PRH2: variants seen among roughly 807,000 people sequenced by gnomAD.
The protein encoded by PRH2 is salivary acidic proline-rich phosphoprotein 1/2.
PRH2 carries 19 observed loss-of-function variants against 22.6 expected under a neutral mutation model. That is an observed-to-expected ratio of 0.84 (90% CI 0.59 to 1.23). PRH2 has a LOEUF of 1.23. Ranked by LOEUF, PRH2 falls within the 50% of genes most tolerant of loss-of-function variation. The pLI is 0.00. For missense variants in PRH2, 109 were observed against 203.0 expected (o/e 0.54, Z 2.81); for synonymous variants, 45 against 72.0 (o/e 0.63, Z 1.90).
In PRH2 at chr12:10,932,457, A is replaced by G. The variant is rs1373611200; in HGVS notation, c.*250A>G. 1.1e-5 allele frequency: 2 copies of G among 188,588 alleles called. No homozygotes were observed. The highest frequency in any genetic ancestry group is 2.3e-5 in the Non-Finnish European group (2 of 85,590). The allele number at this position is 188,588 out of a possible 1,614,324, so 11.7% of individuals were successfully genotyped here. On this transcript the variant is annotated 3_prime_UTR_variant, in exon 4 of 4. Coordinates refer to ENST00000396400, the MANE Select transcript of PRH2 (RefSeq NM_001110213.1). ...CTTTCCTCCTTATCCTTATTAAGTC[A>G]TCTGCCTGGGGAAGGAGTTCCACTG... is the stretch of plus-strand genomic sequence containing the variant.
intron 3 of PRH2, among the ~76,000 whole-genome samples, chr12:10,931,432 T>C: frequency 6.6e-6 from 1 of 152,200 alleles, no homozygotes; most frequent in East Asian, 1.9e-4. Context: ...CAGGACAGGC[T>C]CAGTCCTGCC....
At chr12:10,931,918 T>C (rs1338690881) in intron 3 of PRH2, among the ~76,000 whole-genome samples, 2 of 152,206 alleles carry the variant, frequency 1.3e-5, no homozygotes. Context: ...TTTCACACTG[T>C]CCCTATTACA....
At position 10,930,230 on chromosome 12, in the gene PRH2, T is replaced by G. The variant is rs200341233; in HGVS notation, c.65-39T>G. 6.2e-5 allele frequency: 100 copies of G among 1,603,302 alleles called. No individual in the cohort carries two copies. The Middle Eastern group carries it at 6.6e-4, about 11-fold the overall frequency. ...AACACTATGAGCTCTGAATGATTCA[T>G]GCAGTAACTTTTCCCATCATCCTGT... On this transcript the variant is annotated intron_variant, in intron 1 of 3. Transcript: ENST00000396400.
In PRH2 at chr12:10,933,318, A is replaced by C. The variant is rs1200090771; in HGVS notation, c.*1111A>C. Among the ~76,000 whole-genome samples, 2 of 152,088 alleles carry C rather than the reference A, an allele frequency of 1.3e-5. No homozygotes were observed. Among genetic ancestry groups the C allele is most frequent in the African/African-American group, 4.8e-5 (2 of 41,460 alleles). On this transcript the variant is annotated 3_prime_UTR_variant, in exon 4 of 4. Transcript: ENST00000396400. ...AGTAAAATATGATGAAATTTAATAG[A>C]GAATTCACTCCTCCCAAAAGCACCT...
At position 10,929,262 on chromosome 12, in the gene PRH2, GC is replaced by G. The variant is rs1950166971; in HGVS notation, c.-10del. 2.5e-6 allele frequency: 4 copies of G among 1,614,174 alleles called. No homozygotes were observed. The East Asian group carries it at 6.7e-5, about 27-fold the overall frequency. ...GCATAAAGTTGGGAGTGACACCAGAGCCTTCTGCAAGATGCTTCTGATTCTG... is the reference window on the plus strand; with the variant it reads ...GCATAAAGTTGGGAGTGACACCAGAGCTTCTGCAAGATGCTTCTGATTCTG... On this transcript the variant is annotated 5_prime_UTR_variant, in exon 1 of 4. Transcript: ENST00000396400.
intron 3 of PRH2, 175 bp downstream of exon 3, chr12:10,931,255 CTCT>C: frequency 7.4e-7 from 1 of 1,355,798 alleles, no homozygotes; most frequent in Non-Finnish European, 9.9e-7. Flanking sequence ...TTTAAACAAT[CTCT>C]TGAAGGCAAT....
At chr12:10,930,230 T>C (rs200341233) in intron 1 of PRH2, 39 bp from the exon 2 acceptor site, 1 of 1,603,308 alleles carries the variant, frequency 6.2e-7, no homozygotes, top group Non-Finnish European at 8.5e-7. Context: ...GAATGATTCA[T>C]GCAGTAACTT....
In PRH2 at chr12:10,930,452, C is replaced by G; in HGVS notation, c.100+148C>G. 4 of 1,456,352 alleles carry G rather than the reference C, an allele frequency of 2.7e-6. No homozygotes were observed. In the South Asian group the frequency reaches 5.0e-5, roughly 18 times the overall value. The allele number at this position is 1,456,352 out of a possible 1,614,324, so 90.2% of individuals were successfully genotyped here. On this transcript the variant is annotated intron_variant, in intron 2 of 3. Coordinates refer to ENST00000396400, the MANE Select transcript of PRH2 (RefSeq NM_001110213.1). ...AAACAGTTTTCTCCCAACCTTGATT[C>G]TGGGGACCATGAGTAAAGAAATTTG...
rs1041485989 is a variant in PRH2, at chr12:10,930,861, T to A, written c.300T>A (p.His100Gln). 2 of 1,612,834 alleles carry A rather than the reference T, an allele frequency of 1.2e-6. No homozygotes were observed. The highest frequency in any genetic ancestry group is 1.7e-5 in the Admixed American group (1 of 59,928). Residue 100 changes from histidine (H) to glutamine (Q), a missense_variant, in exon 3 of 4, where the codon CAT becomes CAA. This residue lies in a region of PRH2 where 41 missense variants were observed against 93.6 expected (regional missense o/e 0.44). Coordinates refer to ENST00000396400, the MANE Select transcript of PRH2 (RefSeq NM_001110213.1). Reference sequence around the variant, plus strand: ...AAGGACCACCCCAACAGGGAGGCCATCCCCCTCCTCCTCAAGGAAGGCCAC... The same window carrying A: ...AAGGACCACCCCAACAGGGAGGCCAACCCCCTCCTCCTCAAGGAAGGCCAC... ...KPQGPPQQGG[H>Q]PPPPQGRPQG... is the part of the protein sequence containing the mutation.
At chr12:10,930,016 A>G (rs1441422073) in intron 1 of PRH2, among the ~76,000 whole-genome samples, 1 of 152,182 alleles carries the variant, frequency 6.6e-6, no homozygotes, top group East Asian at 1.9e-4. Context: ...CTAAATAAGC[A>G]CTAAGGCTTA....
intron 1 of PRH2, 22 bp downstream of exon 1, chr12:10,929,359 T>C (rs1489588739): frequency 6.2e-6 from 10 of 1,613,784 alleles, no homozygotes; most frequent in Non-Finnish European, 8.5e-6. Flanking sequence ...TGGGGGAAGA[T>C]ATTGTGACTC....
At chr12:10,930,603 T>G in intron 2 of PRH2, 59 bp from the exon 3 acceptor site, 2 of 1,604,190 alleles carry the variant, frequency 1.2e-6, no homozygotes, top group African/African-American at 1.3e-5. Context: ...GACAGAGAGA[T>G]ATGAAGACAG....
rs772407144 is a variant in PRH2, at chr12:10,932,903, T to C, written c.*696T>C. Among the ~76,000 whole-genome samples the C allele has an allele frequency of 8.0e-4, 121 of 151,834 alleles. No homozygotes were observed. Among genetic ancestry groups the C allele is most frequent in the Non-Finnish European group, 1.4e-3 (95 of 67,938 alleles). On this transcript the variant is annotated 3_prime_UTR_variant, in exon 4 of 4. Coordinates refer to ENST00000396400, the MANE Select transcript of PRH2 (RefSeq NM_001110213.1). The stretch of plus-strand genomic sequence containing the variant: ...TGACTTTATAATGCAACCAGGAGTA[T>C]TGAAAAAAAAGTAAGCAATGAGCTC...
chr12:10,930,176 G>C (rs1377573320), intron 1 of PRH2, 93 bp from the exon 2 acceptor site: 26 of 1,404,984 alleles, frequency 1.9e-5, no homozygotes, highest in Non-Finnish European at 2.4e-5. Context: ...GATGCACAGG[G>C]TGTGATCAGA....
In PRH2 at chr12:10,930,882, GCCA is replaced by G. The variant is rs1268989895; in HGVS notation, c.323_325del (p.Pro108del). On this transcript the variant is annotated inframe_deletion, in exon 3 of 4. Transcript: ENST00000396400. ...GCCATCCCCCTCCTCCTCAAGGAAG[GCCA>G]CAAGGACCACCCCAACAGGGAGGCC... 1 of 1,611,636 alleles carries G rather than the reference GCCA, an allele frequency of 6.2e-7. No individual in the cohort carries two copies. Among genetic ancestry groups the G allele is most frequent in the African/African-American group, 1.3e-5 (1 of 74,688 alleles).
At position 10,930,601 on chromosome 12, in the gene PRH2, G is replaced by T. The variant is rs1034601377; in HGVS notation, c.101-61G>T. 9 of 1,603,452 alleles carry T rather than the reference G, an allele frequency of 5.6e-6. No individual in the cohort carries two copies. The Admixed American group carries it at 1.3e-4, about 24-fold the overall frequency. On this transcript the variant is annotated intron_variant, in intron 2 of 3. Coordinates refer to ENST00000396400, the MANE Select transcript of PRH2 (RefSeq NM_001110213.1). ...GCCGGCCGTGTGGTGAAGACAGAGA[G>T]ATATGAAGACAGGAGGGTTTTCCAG...
chr12:10,931,044 G>A lies in PRH2; in HGVS notation c.483G>A (p.Gln161=), dbSNP rs747330207. The A allele has an allele frequency of 5.0e-6, 8 of 1,587,062 alleles. No homozygotes were observed. Among genetic ancestry groups the A allele is most frequent in the Non-Finnish European group, 6.8e-6 (8 of 1,170,072 alleles). Reference sequence around the variant, plus strand: ...GGGGCCGCCCACAAGGACCTCCACAGGGGCAGTCTCCTCAGTAATCTAGGA... The same window carrying A: ...GGGGCCGCCCACAAGGACCTCCACAAGGGCAGTCTCCTCAGTAATCTAGGA... The part of the protein sequence containing the change: ...PQGGRPQGPP[Q]GQSPQ The change falls in exon 3 of 4, where the codon CAG becomes CAA. Residue 161 remains glutamine, a synonymous_variant. Transcript: ENST00000396400.
chr12:10,932,261 T>G lies in PRH2; in HGVS notation c.*54T>G. 1 of 430,926 alleles carries G rather than the reference T, an allele frequency of 2.3e-6. No homozygotes were observed. Among genetic ancestry groups the G allele is most frequent in the African/African-American group, 2.0e-5 (1 of 49,908 alleles). The allele number at this position is 430,926 out of a possible 1,614,324, so 26.7% of individuals were successfully genotyped here. On this transcript the variant is annotated 3_prime_UTR_variant, in exon 4 of 4. Coordinates refer to ENST00000396400, the MANE Select transcript of PRH2 (RefSeq NM_001110213.1). Reference sequence around the variant, plus strand: ...AGAAGATGACAGTGTTTCAAATGCCTTGAAACATAATGTGATCATGCTCTA... The same window carrying G: ...AGAAGATGACAGTGTTTCAAATGCCGTGAAACATAATGTGATCATGCTCTA...
rs556659270 is a variant in PRH2, at chr12:10,930,200, C to G, written c.65-69C>G. ...GGTGTGATCAGAGGTCCTTTATCCT[C>G]GTAGAACACTATGAGCTCTGAATGA... On this transcript the variant is annotated intron_variant, in intron 1 of 3. Transcript: ENST00000396400. The G allele has an allele frequency of 2.6e-6, 4 of 1,550,886 alleles. No homozygotes were observed. In the African/African-American group the frequency reaches 5.4e-5, roughly 21 times the overall value.
Sources: allele counts gnomAD v4.1 joint callset (sites outside exome capture counted in the v4.1 genomes callset), GRCh38; gene constraint gnomAD v4.1.1; regional missense constraint gnomAD v4.1.1; transcripts MANE v1.5; gene names NCBI Gene and HGNC (gene_info 2026-07-23, HGNC 2026-07-21).